Variants in SART3 observed in about 807,000 individuals in gnomAD.
SART3 encodes HIV-1 Tat-interacting protein of 110kDa.
In SART3, 44 loss-of-function variants were observed where a neutral mutation model predicts 122.3. The ratio of observed to expected loss-of-function variants is 0.36; its 90% CI spans 0.28 to 0.46. The LOEUF (loss-of-function observed/expected upper bound fraction) is 0.46, where lower values mean the gene tolerates loss of function less well. Among genes scored for constraint, SART3 ranks in the 20% least tolerant of loss-of-function variants. The pLI is 1.00. For missense variants in SART3, 1,101 were observed against 1,229.0 expected (o/e 0.90, Z 1.56); for synonymous variants, 442 against 454.0 (o/e 0.97, Z 0.34).
rs1469121979 is a variant in SART3, at chr12:108,524,313, T to TA, written c.2714+2dup. 6.2e-7 allele frequency: 1 copy of TA among 1,613,206 alleles called. No individual in the cohort carries two copies. The highest frequency in any genetic ancestry group is 1.1e-5 in the South Asian group (1 of 91,062). On this transcript the variant is annotated splice_region_variant and intron_variant, in intron 18 of 18. Transcript: ENST00000546815. ...TGCACTAGTCTACCATGCAAGCACT[T>TA]ACGCTCCGTATGTCTGCGGCAAAAG...
At chr12:108,558,830 G>A (rs1159924982) in intron 1 of SART3, among the ~76,000 whole-genome samples, 3 of 151,976 alleles carry the variant, frequency 2.0e-5, no homozygotes, top group African/African-American at 7.3e-5. Context: ...TCAGGAGATC[G>A]AGACCATCCT....
chr12:108,523,682 C>A (rs767681363), intron 18 of SART3, 48 bp from the exon 19 acceptor site: 1 of 1,535,478 alleles, frequency 6.5e-7, no homozygotes, highest in Non-Finnish European at 9.0e-7. Flanking sequence ...CAATTCGTGG[C>A]CCCTCATTTA....
intron 2 of SART3, 82 bp downstream of exon 2, chr12:108,549,006 G>A: frequency 1.3e-6 from 2 of 1,589,760 alleles, no homozygotes; most frequent in South Asian, 2.2e-5. Context: ...TTTCTACAAG[G>A]AGCATGTCCC....
intron 1 of SART3, among the ~76,000 whole-genome samples, chr12:108,557,971 C>T (rs1400325094): frequency 6.6e-6 from 1 of 152,024 alleles, no homozygotes; most frequent in East Asian, 1.9e-4. Context: ...CAGCACCTGC[C>T]TGGGCAACAT....
intron 15 of SART3, among the ~76,000 whole-genome samples, chr12:108,529,283 G>A (rs1254995900): frequency 6.6e-6 from 1 of 152,082 alleles, no homozygotes; most frequent in African/African-American, 2.4e-5. Context: ...ATAAATATGT[G>A]TACACATGCA....
chr12:108,536,882 T>C (rs1036515287), intron 9 of SART3, 97 bp from the exon 10 acceptor site: 4 of 1,054,822 alleles, frequency 3.8e-6, no homozygotes, highest in Admixed American at 2.0e-5. Flanking sequence ...ACCCACTATG[T>C]ACCTGGCATC....
intron 5 of SART3, among the ~76,000 whole-genome samples, chr12:108,543,700 A>G (rs1288804617): frequency 6.6e-6 from 1 of 152,208 alleles, no homozygotes; most frequent in Non-Finnish European, 1.5e-5. Flanking sequence ...ACTACTTTAT[A>G]ACTTGTTAAA....
chr12:108,525,618 AGAAG>A lies in SART3; in HGVS notation c.2371-13_2371-10del, dbSNP rs1358461715. ...GTGCTGTACCTGAACACCTATAGGAAGAAGGAAGACAGAGAAAAACCATGATTCG... is the reference window on the plus strand; with the variant it reads ...GTGCTGTACCTGAACACCTATAGGAAGAAGACAGAGAAAAACCATGATTCG... On this transcript the variant is annotated splice_polypyrimidine_tract_variant and intron_variant, in intron 16 of 18. Coordinates refer to ENST00000546815, the MANE Select transcript of SART3 (RefSeq NM_014706.4). 1.2e-6 allele frequency: 2 copies of A among 1,613,870 alleles called. No individual in the cohort carries two copies. The highest frequency in any genetic ancestry group is 1.7e-6 in the Non-Finnish European group (2 of 1,179,750).
intron 15 of SART3, among the ~76,000 whole-genome samples, chr12:108,527,729 TAC>T (rs1872453047): frequency 6.6e-6 from 1 of 152,206 alleles, no homozygotes; most frequent in South Asian, 2.1e-4. Flanking sequence ...TAAGAAAGTA[TAC>T]AGAGTCCTTT....
intron 17 of SART3, 88 bp downstream of exon 17, chr12:108,525,369 T>C: frequency 2.1e-6 from 3 of 1,409,986 alleles, no homozygotes; most frequent in Non-Finnish European, 2.0e-6. Flanking sequence ...TAGGAACCCA[T>C]TCTAGAGGTT....
intron 13 of SART3, 66 bp downstream of exon 13, chr12:108,532,156 G>A: frequency 7.4e-7 from 1 of 1,346,636 alleles, no homozygotes; most frequent in Non-Finnish European, 1.1e-6. Flanking sequence ...GTAACCAGAT[G>A]CTCCTACTTG....
intron 1 of SART3, chr12:108,554,131 C>CGCCCCCGCCCCCGA (rs2030119729): frequency 7.0e-6 from 1 of 143,354 alleles, no homozygotes; most frequent in Non-Finnish European, 1.5e-5. Flanking sequence ...TCAGAGGGCG[C>CGCCCCCGCCCCCGA]CCCCGGCCCC....
intron 1 of SART3, 165 bp downstream of exon 1, chr12:108,560,678 G>A (rs998183116): frequency 2.6e-5 from 15 of 585,994 alleles, no homozygotes; most frequent in African/African-American, 2.2e-4. Context: ...GCAAGGCAAT[G>A]GGCAGGCAGT....
Position 108,538,412 on chromosome 12 carries a change from G to A in SART3, c.1063-209C>T, listed in dbSNP as rs117067315. Among the ~76,000 whole-genome samples, 843 of 152,266 alleles carry A rather than the reference G, an allele frequency of 5.5e-3. 1 individual carries two copies. Among genetic ancestry groups the A allele is most frequent in the Non-Finnish European group, 9.2e-3 (625 of 67,996 alleles). On this transcript the variant is annotated intron_variant, in intron 7 of 18. Coordinates refer to ENST00000546815, the MANE Select transcript of SART3 (RefSeq NM_014706.4). ...ACAGGTTAAAACAGCCTTAAAAGACGTCAGCCAACCCTACTGGATAGACCT... is the reference window on the plus strand; with the variant it reads ...ACAGGTTAAAACAGCCTTAAAAGACATCAGCCAACCCTACTGGATAGACCT...
intron 1 of SART3, among the ~76,000 whole-genome samples, chr12:108,551,468 G>T (rs2030007393): frequency 6.6e-6 from 1 of 151,754 alleles, no homozygotes; most frequent in Admixed American, 6.6e-5. Context: ...TCAAAAAGAA[G>T]ATGAATAAAA....
chr12:108,525,005 C>T (rs1872307554), intron 17 of SART3: 1 of 287,692 alleles, frequency 3.5e-6, no homozygotes, highest in Non-Finnish European at 6.7e-6. Flanking sequence ...AAATGGGGCA[C>T]AAAAGGACTT....
In SART3 at chr12:108,538,917, T is replaced by A. The variant is rs201632457; in HGVS notation, c.1062+17A>T. On this transcript the variant is annotated intron_variant, in intron 7 of 18. Transcript: ENST00000546815. Reference sequence around the variant, plus strand: ...TAAATTGGCAAAAATAAAATGAAATTAGAACAGTGATCTTACTAGGTACTG... The same window carrying A: ...TAAATTGGCAAAAATAAAATGAAATAAGAACAGTGATCTTACTAGGTACTG... 8.1e-6 allele frequency: 13 copies of A among 1,613,932 alleles called. No individual in the cohort carries two copies. Among genetic ancestry groups the A allele is most frequent in the Non-Finnish European group, 9.3e-6 (11 of 1,179,986 alleles).
chr12:108,523,743 G>A (rs1388476553), intron 18 of SART3, 109 bp from the exon 19 acceptor site: 25 of 711,836 alleles, frequency 3.5e-5, no homozygotes, highest in Non-Finnish European at 4.2e-5. Context: ...GTTAAAAGGT[G>A]AAAAAAAAAA....
rs757404064 is a variant in SART3, at chr12:108,545,221, G to A, written c.647C>T (p.Ser216Phe). ...VRSVFERALS[S>F]VGLHMTKGLA... ...TCCTTTGGTCATATGTAAACCAACA[G>A]ACGAGAGAGCCCTTTCAAACACGGA... Residue 216 changes from serine (S) to phenylalanine (F), a missense_variant, in exon 4 of 19, where the codon TCT becomes TTT. Around this residue, in one of 2 missense-constraint regions of SART3, gnomAD observed 885 missense variants for 1,080.1 expected, o/e 0.82. Coordinates refer to ENST00000546815, the MANE Select transcript of SART3 (RefSeq NM_014706.4). 2 of 1,614,006 alleles carry A rather than the reference G, an allele frequency of 1.2e-6. No homozygotes were observed. The highest frequency in any genetic ancestry group is 1.7e-6 in the Non-Finnish European group (2 of 1,180,024).
Sources: gnomAD v4.1 joint callset for allele counts (sites outside exome capture counted in the v4.1 genomes callset) on GRCh38, gnomAD v4.1.1 for gene constraint, gnomAD v4.1.1 regional missense constraint, MANE v1.5 for transcripts, NCBI Gene and HGNC (gene_info 2026-07-23, HGNC 2026-07-21) for gene names.